The following HLCS variants were observed in gnomAD, a reference collection of about 807,000 sequenced individuals.
HLCS encodes the protein holocarboxylase synthetase.
In HLCS, 53 loss-of-function variants were observed where a neutral mutation model predicts 75.0. That is an observed-to-expected ratio of 0.71 (90% CI 0.57 to 0.89). The LOEUF (loss-of-function observed/expected upper bound fraction) is 0.89, where lower values mean the gene tolerates loss of function less well. HLCS is among the 40% of genes least tolerant of loss of function. The pLI is 0.00. For missense variants in HLCS, 966 were observed against 1,074.0 expected (o/e 0.90, Z 1.41); for synonymous variants, 431 against 428.6 (o/e 1.01, Z -0.07).
At chr21:36,867,862 G>A (rs2063612625) in intron 6 of HLCS, among the ~76,000 whole-genome samples, 1 of 152,222 alleles carries the variant, frequency 6.6e-6, no homozygotes, top group Non-Finnish European at 1.5e-5. Context: ...ACCAGGTGCG[G>A]TGGCTCACGC....
intron 6 of HLCS, among the ~76,000 whole-genome samples, chr21:36,856,287 G>A (rs1051497816): frequency 2.6e-5 from 4 of 152,266 alleles, no homozygotes; most frequent in East Asian, 1.9e-4. Flanking sequence ...GTTGAAAAGC[G>A]CTACTCCAGA....
intron 8 of HLCS, among the ~76,000 whole-genome samples, chr21:36,763,351 C>T (rs1291629334): frequency 1.3e-5 from 2 of 152,180 alleles, no homozygotes; most frequent in Admixed American, 6.5e-5. Flanking sequence ...ACAGAATGCA[C>T]AGCTCAGGTG....
intron 6 of HLCS, among the ~76,000 whole-genome samples, chr21:36,874,383 C>T (rs1397906085): frequency 6.8e-6 from 1 of 146,600 alleles, no homozygotes; most frequent in African/African-American, 2.6e-5. Context: ...GCCTGAGCGA[C>T]AGAGCGAGAC....
intron 6 of HLCS, among the ~76,000 whole-genome samples, chr21:36,864,353 T>C (rs1601554609): frequency 6.6e-6 from 1 of 151,992 alleles, no homozygotes; most frequent in Non-Finnish European, 1.5e-5. Context: ...TGAGCCGAGG[T>C]TGTGCCACTG....
At chr21:36,881,956 T>C (rs936866213) in intron 6 of HLCS, among the ~76,000 whole-genome samples, 1 of 151,964 alleles carries the variant, frequency 6.6e-6, no homozygotes, top group African/African-American at 2.4e-5. Context: ...TGAACCAAGA[T>C]TGTGCCACTG....
At chr21:36,956,653 C>T (rs2067974340) in intron 2 of HLCS, among the ~76,000 whole-genome samples, 1 of 151,898 alleles carries the variant, frequency 6.6e-6, no homozygotes, top group Non-Finnish European at 1.5e-5. Context: ...TGGCATGAAC[C>T]CGGGAGGCAG....
intron 6 of HLCS, among the ~76,000 whole-genome samples, chr21:36,820,243 G>A (rs758458764): frequency 7.9e-5 from 12 of 152,198 alleles, no homozygotes; most frequent in Non-Finnish European, 1.6e-4. Flanking sequence ...CAGCGGAGGA[G>A]GCATGGTTGA....
intron 6 of HLCS, among the ~76,000 whole-genome samples, chr21:36,826,798 C>A (rs761554179): frequency 6.6e-6 from 1 of 152,144 alleles, no homozygotes; most frequent in South Asian, 2.1e-4. Flanking sequence ...CAGTTAACAG[C>A]GGAACTGGGA....
intron 5 of HLCS, among the ~76,000 whole-genome samples, chr21:36,918,865 T>C (rs1416792882): frequency 6.6e-6 from 1 of 152,230 alleles, no homozygotes; most frequent in Non-Finnish European, 1.5e-5. Context: ...ACATTTGTTT[T>C]GCAACAGGAC....
At chr21:36,777,223 C>T (rs1205483396) in intron 6 of HLCS, among the ~76,000 whole-genome samples, 1 of 152,198 alleles carries the variant, frequency 6.6e-6, no homozygotes. Context: ...CCTAAAAATT[C>T]CCCTGTGCTT....
intron 2 of HLCS, among the ~76,000 whole-genome samples, chr21:36,954,830 A>G (rs1260317526): frequency 6.6e-6 from 1 of 152,110 alleles, no homozygotes; most frequent in Non-Finnish European, 1.5e-5. Context: ...TGGGAGGCCG[A>G]GGCGGGGGGA....
chr21:36,830,851 G>GAC (rs1305842588), intron 6 of HLCS, among the ~76,000 whole-genome samples: 2 of 139,514 alleles, frequency 1.4e-5, no homozygotes, highest in African/African-American at 5.3e-5. Context: ...AAAAAGGGTA[G>GAC]ACACAGGTGA....
In HLCS at chr21:36,754,363, G is replaced by T. The variant is rs199936080; in HGVS notation, c.2505C>A (p.Gly835=). ...CCTGGAGGAAGCCAGAATCGTCCAG[G>T]CCAACGATGGACACCTTTGGTCCCT... ...SAEGPKVSIV[G]LDDSGFLQVH... is the part of the protein sequence containing the mutation. Residue 835 remains glycine (G), a synonymous_variant, in exon 11 of 11, where the codon GGC becomes GGA. Transcript: ENST00000674895. 47 of 1,613,962 alleles carry T rather than the reference G, an allele frequency of 2.9e-5. No homozygotes were observed. The East Asian group carries it at 5.8e-4, about 20-fold the overall frequency.
intron 4 of HLCS, among the ~76,000 whole-genome samples, chr21:36,931,466 G>T (rs1382722497): frequency 6.6e-6 from 1 of 151,974 alleles, no homozygotes; most frequent in Non-Finnish European, 1.5e-5. Flanking sequence ...GCGTTTGCAG[G>T]AGGCTGGGTA....
chr21:36,946,536 C>A (rs1482383473), intron 2 of HLCS, among the ~76,000 whole-genome samples: 1 of 152,118 alleles, frequency 6.6e-6, no homozygotes, highest in Admixed American at 6.5e-5. Flanking sequence ...GCCACCATGT[C>A]CGGCCCCCCA....
At chr21:36,786,438 T>C (rs2060688417) in intron 6 of HLCS, among the ~76,000 whole-genome samples, 1 of 152,142 alleles carries the variant, frequency 6.6e-6, no homozygotes, top group Non-Finnish European at 1.5e-5. Flanking sequence ...CGTTCCAAAA[T>C]TTAAAACTTA....
intron 6 of HLCS, among the ~76,000 whole-genome samples, chr21:36,877,679 G>A (rs1485285995): frequency 1.3e-5 from 2 of 152,118 alleles, no homozygotes; most frequent in East Asian, 1.9e-4. Flanking sequence ...TTTGTCCAGA[G>A]AGCATTCCTT....
chr21:36,769,933 T>A (rs552751282), intron 6 of HLCS, among the ~76,000 whole-genome samples: 1 of 152,026 alleles, frequency 6.6e-6, no homozygotes, highest in African/African-American at 2.4e-5. Flanking sequence ...CCTAAGAAAA[T>A]AGTCCACATT....
intron 6 of HLCS, among the ~76,000 whole-genome samples, chr21:36,843,299 G>T (rs2062679015): frequency 1.3e-5 from 2 of 152,214 alleles, no homozygotes; most frequent in African/African-American, 4.8e-5. Flanking sequence ...TTAGCCAGGT[G>T]TGGTGGCATG....
Sources: gnomAD v4.1 joint callset for allele counts (sites outside exome capture counted in the v4.1 genomes callset) on GRCh38, gnomAD v4.1.1 for gene constraint, MANE v1.5 for transcripts, NCBI Gene and HGNC (gene_info 2026-07-23, HGNC 2026-07-21) for gene names.